The following TMEM108 variants were observed in gnomAD, a reference collection of about 807,000 sequenced individuals.
TMEM108 encodes cancer/testis antigen 124.
TMEM108 carries 12 observed loss-of-function variants against 35.1 expected under a neutral mutation model. The ratio of observed to expected loss-of-function variants is 0.34; its 90% confidence interval spans 0.22 to 0.55. The LOEUF (loss-of-function observed/expected upper bound fraction) is 0.55, where lower values mean the gene tolerates loss of function less well. TMEM108 is among the 20% of genes least tolerant of loss of function. The pLI, the probability that TMEM108 is intolerant of heterozygous loss-of-function variation, is 0.89. For synonymous variants in TMEM108, 287 were observed against 308.6 expected (o/e 0.93, Z 0.73); for missense variants, 680 against 753.3 (o/e 0.90, Z 1.14).
At chr3:133,222,204 A>G (rs1035495345) in intron 2 of TMEM108, among the ~76,000 whole-genome samples, 1 of 150,906 alleles carries the variant, frequency 6.6e-6, no homozygotes, top group Non-Finnish European at 1.5e-5. Context: ...TTTTTTGGCA[A>G]TTTTTTTTTC....
intron 3 of TMEM108, among the ~76,000 whole-genome samples, chr3:133,350,447 CA>C (rs367978555): frequency 1.5e-4 from 22 of 148,490 alleles, no homozygotes; most frequent in East Asian, 3.9e-4. Flanking sequence ...GTTCTCACCA[CA>C]AAAAAAAAGA....
At chr3:133,309,414 TG>T (rs1451029142) in intron 3 of TMEM108, among the ~76,000 whole-genome samples, 1 of 152,178 alleles carries the variant, frequency 6.6e-6, no homozygotes, top group East Asian at 1.9e-4. Flanking sequence ...CTTTTGAATT[TG>T]TTTGCCCTTG....
intron 2 of TMEM108, chr3:133,119,408 A>G (rs1301654349): frequency 6.6e-6 from 1 of 152,126 alleles, no homozygotes; most frequent in Non-Finnish European, 1.5e-5. Context: ...ATAAATCCAG[A>G]TGTAGTTGGC....
chr3:133,309,086 T>C (rs908229154), intron 3 of TMEM108, among the ~76,000 whole-genome samples: 2 of 152,232 alleles, frequency 1.3e-5, no homozygotes, highest in Non-Finnish European at 2.9e-5. Flanking sequence ...TGGTTTAGTC[T>C]TGGGAGGGTG....
At chr3:133,151,417 C>T (rs1944798846) in intron 2 of TMEM108, among the ~76,000 whole-genome samples, 1 of 152,114 alleles carries the variant, frequency 6.6e-6, no homozygotes, top group Non-Finnish European at 1.5e-5. Context: ...TTTCCGAAGT[C>T]CACTCCAGAG....
chr3:133,264,532 C>A (rs769508687), intron 3 of TMEM108, among the ~76,000 whole-genome samples: 1 of 152,096 alleles, frequency 6.6e-6, no homozygotes, highest in Non-Finnish European at 1.5e-5. Context: ...GATGTAACAC[C>A]GTTTTGTAGC....
chr3:133,180,123 A>T (rs1197519636), intron 2 of TMEM108, among the ~76,000 whole-genome samples: 1 of 152,172 alleles, frequency 6.6e-6, no homozygotes, highest in Non-Finnish European at 1.5e-5. Context: ...CAATTTTTAA[A>T]TAACATGTTC....
intron 2 of TMEM108, among the ~76,000 whole-genome samples, chr3:133,084,636 A>G (rs1221943996): frequency 6.6e-6 from 1 of 152,176 alleles, no homozygotes; most frequent in Non-Finnish European, 1.5e-5. Context: ...CTAATATTTG[A>G]CGTGTTTACT....
intron 3 of TMEM108, among the ~76,000 whole-genome samples, chr3:133,315,896 A>G (rs1464355384): frequency 2.0e-5 from 3 of 152,236 alleles, no homozygotes; most frequent in Non-Finnish European, 4.4e-5. Flanking sequence ...GGTGTTATAC[A>G]TTGATATTGA....
intron 2 of TMEM108, among the ~76,000 whole-genome samples, chr3:133,073,732 C>T (rs1176818143): frequency 6.6e-6 from 1 of 151,516 alleles, no homozygotes; most frequent in Non-Finnish European, 1.5e-5. Flanking sequence ...TGAGGAACTT[C>T]CATACTGTTT....
chr3:133,143,083 T>C (rs1342989727), intron 2 of TMEM108, among the ~76,000 whole-genome samples: 1 of 151,984 alleles, frequency 6.6e-6, no homozygotes, highest in Non-Finnish European at 1.5e-5. Context: ...AAAAACTACA[T>C]AGAAAAAAGA....
At position 133,190,492 on chromosome 3, in the gene TMEM108, A is replaced by G. The variant is rs891745550; in HGVS notation, c.-46-38774A>G. ...AAGGAGGAGGTAATTAAATTAATCT[A>G]TATTGAATGTTACTATCCTCTTTTC... On this transcript the variant is annotated intron_variant, in intron 2 of 5. Transcript: ENST00000321871. Among the ~76,000 whole-genome samples, 3 of 152,212 alleles carry G rather than the reference A, an allele frequency of 2.0e-5. No individual in the cohort carries two copies. The East Asian group carries it at 5.8e-4, about 29-fold the overall frequency.
chr3:133,383,728 T>G (rs758455105), intron 4 of TMEM108, among the ~76,000 whole-genome samples: 1 of 152,236 alleles, frequency 6.6e-6, no homozygotes, highest in Non-Finnish European at 1.5e-5. Flanking sequence ...AGGATTCTTC[T>G]GGCACCCTGA....
intron 2 of TMEM108, among the ~76,000 whole-genome samples, chr3:133,057,878 G>A (rs879786125): frequency 2.0e-5 from 3 of 152,100 alleles, no homozygotes; most frequent in Admixed American, 2.0e-4. Context: ...GATGATGGAG[G>A]GAGTGACTGT....
intron 2 of TMEM108, among the ~76,000 whole-genome samples, chr3:133,195,952 T>G (rs1945569802): frequency 6.6e-6 from 1 of 152,224 alleles, no homozygotes; most frequent in African/African-American, 2.4e-5. Context: ...CCACGTTAGC[T>G]CTGGGGCAAT....
intron 2 of TMEM108, among the ~76,000 whole-genome samples, chr3:133,067,442 G>A (rs1472156555): frequency 6.6e-6 from 1 of 152,088 alleles, no homozygotes; most frequent in Non-Finnish European, 1.5e-5. Context: ...CTTCTCTCTT[G>A]TCCCTGAAGT....
intron 1 of TMEM108, among the ~76,000 whole-genome samples, chr3:133,042,219 T>TAG (rs1687240461): frequency 6.6e-6 from 1 of 152,220 alleles, no homozygotes; most frequent in Admixed American, 6.5e-5. Flanking sequence ...GCCTGAGGTA[T>TAG]AGGATGCTAC....
chr3:133,285,815 C>T (rs1946976068), intron 3 of TMEM108, among the ~76,000 whole-genome samples: 2 of 152,226 alleles, frequency 1.3e-5, no homozygotes, highest in South Asian at 2.1e-4. Context: ...GCCCCCATCA[C>T]TGCTTTGCCT....
chr3:133,223,148 G>C (rs1483499519), intron 2 of TMEM108, among the ~76,000 whole-genome samples: 2 of 152,190 alleles, frequency 1.3e-5, no homozygotes, highest in African/African-American at 2.4e-5. Context: ...TTCTTTGATT[G>C]TTCCTCATCC....
Sources: allele counts gnomAD v4.1 joint callset (sites outside exome capture counted in the v4.1 genomes callset), GRCh38; gene constraint gnomAD v4.1.1; transcripts MANE v1.5; gene names NCBI Gene and HGNC (gene_info 2026-07-23, HGNC 2026-07-21).